Variants in PCDHA6 observed in about 807,000 individuals in gnomAD.
The protein encoded by PCDHA6 is protocadherin alpha 6, also known as protocadherin alpha-6.
In PCDHA6, 55 loss-of-function variants were observed where a neutral mutation model predicts 60.3. The ratio of observed to expected loss-of-function variants is 0.91; its 90% confidence interval spans 0.73 to 1.14. PCDHA6 has a LOEUF of 1.14. Among genes scored for constraint, PCDHA6 ranks in the 50% most tolerant of loss-of-function variants. The probability of loss-of-function intolerance (pLI) is 0.00; values close to 1 mark genes in which losing one functional copy is unlikely to be tolerated. For synonymous variants in PCDHA6, 652 were observed against 557.9 expected, an observed-to-expected ratio of 1.17 and a Z score of -2.38; for missense variants, 1,327 against 1,256.5, an observed-to-expected ratio of 1.06 and a Z score of -0.85.
chr5:140,972,957 C>T (rs369707081), intron 1 of PCDHA6, among the ~76,000 whole-genome samples: 1 of 152,054 alleles, frequency 6.6e-6, no homozygotes, highest in East Asian at 1.9e-4. Context: ...CCACCATGCC[C>T]GGCAAAGGAA....
chr5:140,868,940 A>G, intron 1 of PCDHA6: 1 of 1,249,402 alleles, frequency 8.0e-7, no homozygotes, highest in South Asian at 1.6e-5. Context: ...GGTTGGTCTG[A>G]ACAGTGAGGC....
intron 1 of PCDHA6, chr5:140,967,843 T>G (rs782701780): frequency 6.2e-7 from 1 of 1,614,102 alleles, no homozygotes; most frequent in East Asian, 2.2e-5. Flanking sequence ...TGGACGTGAA[T>G]GACAATGCCC....
chr5:140,892,232 T>C (rs2063437812), intron 1 of PCDHA6, among the ~76,000 whole-genome samples: 1 of 152,176 alleles, frequency 6.6e-6, no homozygotes, highest in African/African-American at 2.4e-5. Context: ...GTGTTTTGTC[T>C]CCACATAAAC....
At chr5:140,863,799 G>C (rs1246230954) in intron 1 of PCDHA6, 1 of 212,342 alleles carries the variant, frequency 4.7e-6, no homozygotes, top group Non-Finnish European at 9.6e-6. Context: ...AGGAGTTTGA[G>C]ACCAGCCTGG....
intron 1 of PCDHA6, among the ~76,000 whole-genome samples, chr5:140,837,441 C>A (rs1199592642): frequency 6.6e-6 from 1 of 151,714 alleles, no homozygotes; most frequent in Admixed American, 6.6e-5. Flanking sequence ...AAATCTAGTA[C>A]GTAGTAAAAA....
rs2043307910 is a variant in PCDHA6, at chr5:140,855,009, A to C, written c.2394+24524A>C. Among the ~76,000 whole-genome samples the C allele has an allele frequency of 1.3e-5, 2 of 149,938 alleles. 1 individual carries two copies. Among genetic ancestry groups the C allele is most frequent in the Admixed American group, 1.3e-4 (2 of 14,922 alleles). ...CTTTTTGCCCGTGTAAGATATTATA[A>C]AATGAAACTTCTTGTATAAAGGATT... On this transcript the variant is annotated intron_variant, in intron 1 of 3. Coordinates refer to ENST00000529310, the MANE Select transcript of PCDHA6 (RefSeq NM_018909.4).
intron 1 of PCDHA6, among the ~76,000 whole-genome samples, chr5:140,941,301 TTTC>T (rs1554214297): frequency 1.4e-5 from 2 of 143,748 alleles, no homozygotes; most frequent in African/African-American, 2.6e-5. Flanking sequence ...TCTTTCTTTC[TTTC>T]TTTTTCTTCT....
intron 1 of PCDHA6, chr5:140,866,669 T>C (rs571274167): frequency 6.6e-6 from 1 of 152,260 alleles, no homozygotes; most frequent in South Asian, 2.1e-4. Context: ...CAAGAAATAA[T>C]AGCACTAGGT....
At chr5:140,862,665 G>A (rs1437192786) in intron 1 of PCDHA6, 12 of 547,492 alleles carry the variant, frequency 2.2e-5, no homozygotes, top group Admixed American at 9.6e-5. Flanking sequence ...ACCGGGACGC[G>A]CAGGAGAACG....
At chr5:140,851,252 GTATTT>G (rs1434639310) in intron 1 of PCDHA6, 2 of 1,089,048 alleles carry the variant, frequency 1.8e-6, no homozygotes, top group Non-Finnish European at 2.3e-6. Context: ...ATGATGCATA[GTATTT>G]TAGTCTACTT....
intron 1 of PCDHA6, chr5:140,862,777 C>A: frequency 1.7e-6 from 1 of 577,324 alleles, no homozygotes. Context: ...CGCGTTGCAG[C>A]CACTGGACTA....
chr5:141,007,349 G>C (rs532404832), intron 3 of PCDHA6, among the ~76,000 whole-genome samples: 204 of 144,744 alleles, frequency 1.4e-3, no homozygotes, highest in Middle Eastern at 0.011. Flanking sequence ...TCAGGAGTTC[G>C]AGACCAGCCT....
chr5:140,828,874 TATC>T lies in PCDHA6; in HGVS notation c.785_787del (p.Ile262del). The T allele has an allele frequency of 1.2e-6, 2 of 1,614,208 alleles. No homozygotes were observed. Among genetic ancestry groups the T allele is most frequent in the Non-Finnish European group, 1.7e-6 (2 of 1,180,030 alleles). On this transcript the variant is annotated inframe_deletion, in exon 1 of 4. Coordinates refer to ENST00000529310, the MANE Select transcript of PCDHA6 (RefSeq NM_018909.4). The stretch of plus-strand genomic sequence containing the variant: ...AAAATGCAGACAACGGAACAACAGT[TATC>T]AGACTGAATGCTTCTGATCGGGATG...
chr5:140,883,306 C>T (rs2059544095), intron 1 of PCDHA6: 2 of 1,614,050 alleles, frequency 1.2e-6, no homozygotes, highest in Non-Finnish European at 8.5e-7. Context: ...TAAATGATAA[C>T]GCCCCAGAGG....
chr5:140,848,597 C>G lies in PCDHA6; in HGVS notation c.2394+18112C>G, dbSNP rs151001396. 6,374 of 1,580,604 alleles carry G rather than the reference C, an allele frequency of 4.0e-3. 857 individuals carry two copies. Among genetic ancestry groups the G allele is most frequent in the South Asian group, 0.012 (1,061 of 88,252 alleles). On this transcript the variant is annotated intron_variant, in intron 1 of 3. Transcript: ENST00000529310. ...TGGGGAGCGGCCAGCTCCACTACTC[C>G]GTCCCGGAGGAAGCCGAACACGGCA...
chr5:140,942,266 T>A (rs2093257794), intron 1 of PCDHA6, among the ~76,000 whole-genome samples: 1 of 152,134 alleles, frequency 6.6e-6, no homozygotes, highest in South Asian at 2.1e-4. Flanking sequence ...TATCTAAAGC[T>A]GGTAATGGTG....
intron 1 of PCDHA6, chr5:140,869,781 T>C (rs781934601): frequency 6.2e-7 from 1 of 1,612,992 alleles, no homozygotes; most frequent in South Asian, 1.1e-5. Context: ...CTGGCACCGT[T>C]CGGCTGTTAG....
intron 3 of PCDHA6, among the ~76,000 whole-genome samples, chr5:140,991,953 G>A (rs545142966): frequency 3.9e-5 from 6 of 152,110 alleles, no homozygotes; most frequent in Non-Finnish European, 8.8e-5. Context: ...TTAGAATGCA[G>A]TCATTTTGGT....
chr5:140,856,457 CA>C, intron 1 of PCDHA6: 1 of 1,598,330 alleles, frequency 6.3e-7, no homozygotes, highest in East Asian at 2.2e-5. Context: ...CGTAACAGAA[CA>C]AAAGCTCTCA....
Sources: allele counts gnomAD v4.1 joint callset (sites outside exome capture counted in the v4.1 genomes callset), GRCh38; gene constraint gnomAD v4.1.1; transcripts MANE v1.5; gene names NCBI Gene and HGNC (gene_info 2026-07-23, HGNC 2026-07-21).